PRKN: variants seen among roughly 807,000 people sequenced by gnomAD.
PRKN encodes parkin RBR E3 ubiquitin protein ligase, also known as E3 ubiquitin-protein ligase parkin.
A neutral mutation model predicts 59.5 loss-of-function variants in PRKN; 56 were observed. The ratio of observed to expected loss-of-function variants is 0.94; its 90% CI spans 0.76 to 1.18. The LOEUF is 1.18. Ranked by LOEUF, PRKN falls within the 50% of genes most tolerant of loss-of-function variation. The pLI, the probability that PRKN is intolerant of heterozygous loss-of-function variation, is 0.00. For missense variants in PRKN, 657 were observed against 596.4 expected (o/e 1.10, Z -1.06); for synonymous variants, 250 against 222.1 (o/e 1.13, Z -1.12).
intron 3 of PRKN, among the ~76,000 whole-genome samples, chr6:162,204,987 T>A (rs1784878795): frequency 6.6e-6 from 1 of 151,936 alleles, no homozygotes; most frequent in African/African-American, 2.4e-5. Context: ...CTCAACCTCC[T>A]GAGTAGCTGG....
chr6:162,451,579 A>G (rs549208273), intron 1 of PRKN, among the ~76,000 whole-genome samples: 3 of 151,974 alleles, frequency 2.0e-5, no homozygotes, highest in South Asian at 2.1e-4. Flanking sequence ...AAAAGAAAAA[A>G]AGAGAGAGAG....
intron 11 of PRKN, 39 bp from the exon 12 acceptor site, chr6:161,350,250 G>A: frequency 2.8e-6 from 4 of 1,428,774 alleles, no homozygotes; most frequent in Non-Finnish European, 3.9e-6. Context: ...TGGGTTCGCA[G>A]CAAGTACCTG....
intron 6 of PRKN, among the ~76,000 whole-genome samples, chr6:161,939,406 G>C (rs532571110): frequency 9.8e-6 from 1 of 102,484 alleles, no homozygotes; most frequent in Non-Finnish European, 1.8e-5. Flanking sequence ...GTGACAGAGA[G>C]AGACTCTGTC....
intron 7 of PRKN, among the ~76,000 whole-genome samples, chr6:161,728,389 T>G (rs1787537801): frequency 1.3e-5 from 2 of 152,160 alleles, no homozygotes; most frequent in Admixed American, 1.3e-4. Flanking sequence ...ACCAGTCACA[T>G]TAGCCTACAC....
At chr6:162,222,469 G>A (rs1777979722) in intron 3 of PRKN, among the ~76,000 whole-genome samples, 1 of 152,154 alleles carries the variant, frequency 6.6e-6, no homozygotes, top group Admixed American at 6.5e-5. Context: ...GGCATTGCAG[G>A]AGCCTCAAGG....
chr6:162,528,954 T>G (rs1050678526), intron 1 of PRKN, among the ~76,000 whole-genome samples: 1 of 152,178 alleles, frequency 6.6e-6, no homozygotes, highest in Non-Finnish European at 1.5e-5. Context: ...CTCGGCTCAC[T>G]GCAACCTCCA....
chr6:162,116,999 C>T (rs1313602759), intron 4 of PRKN, among the ~76,000 whole-genome samples: 2 of 152,156 alleles, frequency 1.3e-5, no homozygotes, highest in Non-Finnish European at 2.9e-5. Flanking sequence ...GGATAGAAGG[C>T]AGAGTTTCAG....
At chr6:161,822,155 A>G (rs1212506986) in intron 6 of PRKN, among the ~76,000 whole-genome samples, 1 of 152,100 alleles carries the variant, frequency 6.6e-6, no homozygotes, top group Non-Finnish European at 1.5e-5. Context: ...ATAACACCCC[A>G]ATATTTAATG....
intron 9 of PRKN, among the ~76,000 whole-genome samples, chr6:161,540,049 G>C (rs560046739): frequency 1.3e-5 from 2 of 152,216 alleles, no homozygotes; most frequent in East Asian, 3.9e-4. Flanking sequence ...GCTGGGGGTT[G>C]GGGAGATGCA....
At chr6:161,590,012 C>T (rs2128140554) in intron 7 of PRKN, among the ~76,000 whole-genome samples, 1 of 151,302 alleles carries the variant, frequency 6.6e-6, no homozygotes, top group East Asian at 2.0e-4. Context: ...TCGTTTTGAA[C>T]TCCTGACCTC....
intron 7 of PRKN, among the ~76,000 whole-genome samples, chr6:161,766,888 C>T (rs1269853261): frequency 1.3e-5 from 2 of 152,136 alleles, no homozygotes; most frequent in African/African-American, 4.8e-5. Context: ...ATGAACTTTA[C>T]AGTCAGGCAG....
rs60414258 is a variant in PRKN at position 161,544,505 on chromosome 6, TATTCATTCATTCATTC to T, written c.1083+4333_1083+4348del. Among the ~76,000 whole-genome samples, 374 of 122,864 alleles carry T rather than the reference TATTCATTCATTCATTC, an allele frequency of 3.0e-3. 4 individuals are homozygous for T. The highest frequency in any genetic ancestry group is 4.2e-3 in the Middle Eastern group (1 of 240). 80.6% of individuals were successfully genotyped at this position (122,864 alleles called of 152,430 possible). ...TTAAGATTCACTCAACCATTTATTT[TATTCATTCATTCATTC>T]ATTCATTCATTCATTCATTCATACA... On this transcript the variant is annotated intron_variant, in intron 9 of 11. Transcript: ENST00000366898. This position sits in a 1 kb window ranked among gnomAD's most constrained non-coding sequence, Gnocchi z 5.5.
intron 7 of PRKN, among the ~76,000 whole-genome samples, chr6:161,664,203 C>T (rs918321939): frequency 6.6e-6 from 1 of 152,102 alleles, no homozygotes; most frequent in Non-Finnish European, 1.5e-5. Context: ...AGGAGTCCGC[C>T]AGAAATGCCA....
chr6:162,059,595 G>C lies in PRKN; in HGVS notation c.535-5421C>G, dbSNP rs868652492. 2.0e-5 allele frequency among the ~76,000 whole-genome samples: 3 copies of C among 152,176 alleles called. No homozygotes were observed. In the South Asian group the frequency reaches 6.2e-4, roughly 32 times the overall value. On this transcript the variant is annotated intron_variant, in intron 4 of 11. Coordinates refer to ENST00000366898, the MANE Select transcript of PRKN (RefSeq NM_004562.3). ...TTAAAAAGGACTGCAAAAATGCATGGCAGTAGAAGGGAGCTATGGATGATA... is the reference window on the plus strand; with the variant it reads ...TTAAAAAGGACTGCAAAAATGCATGCCAGTAGAAGGGAGCTATGGATGATA...
chr6:162,028,771 C>G (rs1212356968), intron 5 of PRKN, among the ~76,000 whole-genome samples: 1 of 152,166 alleles, frequency 6.6e-6, no homozygotes, highest in Non-Finnish European at 1.5e-5. Context: ...GGTGTTTTCA[C>G]ATGGGGGACC....
At position 161,373,739 on chromosome 6, in the gene PRKN, C is replaced by T. The variant is rs533632730; in HGVS notation, c.1167+13055G>A. Reference sequence around the variant, plus strand: ...AGGAACAAGTGTAGAGCAGGTGAACCGTTTTCCTCACACATGGTCAACATG... The same window carrying T: ...AGGAACAAGTGTAGAGCAGGTGAACTGTTTTCCTCACACATGGTCAACATG... On this transcript the variant is annotated intron_variant, in intron 10 of 11. Transcript: ENST00000366898. This position sits in a 1 kb window ranked among gnomAD's most constrained non-coding sequence, Gnocchi z 4.8. Among the ~76,000 whole-genome samples the T allele has an allele frequency of 3.9e-5, 6 of 152,224 alleles. No individual in the cohort carries two copies. Among genetic ancestry groups the T allele is most frequent in the Admixed American group, 2.6e-4 (4 of 15,292 alleles).
chr6:161,419,918 G>A lies in PRKN; in HGVS notation c.1084-33041C>T, dbSNP rs564440295. Among the ~76,000 whole-genome samples the A allele has an allele frequency of 9.9e-5, 15 of 152,078 alleles. No homozygotes were observed. In the South Asian group the frequency reaches 1.0e-3, roughly 11 times the overall value. Reference sequence around the variant, plus strand: ...TGTTTAAGAAAGTTCCTAGCACTGCGCCTGGCACGTAAAAGGCACTTGTTT... The same window carrying A: ...TGTTTAAGAAAGTTCCTAGCACTGCACCTGGCACGTAAAAGGCACTTGTTT... On this transcript the variant is annotated intron_variant, in intron 9 of 11. Transcript: ENST00000366898. The surrounding 1 kb of genome is among the most constrained non-coding windows in gnomAD (Gnocchi z 4.1).
chr6:162,037,931 T>C (rs1038405702), intron 5 of PRKN, among the ~76,000 whole-genome samples: 1 of 151,082 alleles, frequency 6.6e-6, no homozygotes, highest in African/African-American at 2.4e-5. Flanking sequence ...GCAACATTTA[T>C]TATGAAAATA....
intron 7 of PRKN, among the ~76,000 whole-genome samples, chr6:161,669,766 T>C (rs976884685): frequency 8.6e-4 from 131 of 152,338 alleles, no homozygotes; most frequent in African/African-American, 3.0e-3. Context: ...TGTTTCTACA[T>C]GTGGTGTGAG....
Sources: gnomAD v4.1 joint callset for allele counts (sites outside exome capture counted in the v4.1 genomes callset) on GRCh38, gnomAD v4.1.1 for gene constraint, Gnocchi (gnomAD v3.1) non-coding constraint, MANE v1.5 for transcripts, NCBI Gene and HGNC (gene_info 2026-07-23, HGNC 2026-07-21) for gene names.